The following GALNT10 variants were observed in gnomAD, a reference collection of about 807,000 sequenced individuals.
GALNT10 encodes polypeptide N-acetylgalactosaminyltransferase 10, also known as GalNAc transferase 10.
GALNT10 carries 41 observed loss-of-function variants against 75.0 expected under a neutral mutation model. That is an observed-to-expected ratio of 0.55 (90% CI 0.43 to 0.71). GALNT10 has a LOEUF of 0.71. Among genes scored for constraint, GALNT10 ranks in the 30% least tolerant of loss-of-function variants. The pLI is 0.00. For missense variants in GALNT10, 727 were observed against 818.5 expected, an observed-to-expected ratio of 0.89 and a Z score of 1.36; for synonymous variants, 302 against 313.0, an observed-to-expected ratio of 0.96 and a Z score of 0.37.
chr5:154,290,720 G>A lies in GALNT10; in HGVS notation c.160-4096G>A, dbSNP rs1057337088. On this transcript the variant is annotated intron_variant, in intron 1 of 11. Coordinates refer to ENST00000297107, the MANE Select transcript of GALNT10 (RefSeq NM_198321.4). ...GGTACCTGTGACTCCTGTAGCTCATGCAAGGTCACACTCAAGGGTTCTTTC... is the reference window on the plus strand; with the variant it reads ...GGTACCTGTGACTCCTGTAGCTCATACAAGGTCACACTCAAGGGTTCTTTC... Among the ~76,000 whole-genome samples the A allele has an allele frequency of 2.6e-5, 4 of 152,162 alleles. 1 individual carries two copies. Among genetic ancestry groups the A allele is most frequent in the Admixed American group, 2.6e-4 (4 of 15,278 alleles).
chr5:154,360,199 C>A (rs547323076), intron 4 of GALNT10, among the ~76,000 whole-genome samples: 51 of 152,218 alleles, frequency 3.4e-4, no homozygotes, highest in Admixed American at 7.8e-4. Flanking sequence ...CCTGTAATCC[C>A]AGCACTTTGG....
rs1328527372 is a variant in GALNT10, at chr5:154,418,190, A to G, written c.*1218A>G. ...CCAAAGTTGGTGGTGTTGGGAAAGC[A>G]GGGGGACATGTGTCCCTCAGCTCAG... is the stretch of plus-strand genomic sequence containing the variant. On this transcript the variant is annotated 3_prime_UTR_variant, in exon 12 of 12. Transcript: ENST00000297107. 1 of 152,214 alleles carries G rather than the reference A, an allele frequency of 6.6e-6. No homozygotes were observed. The highest frequency in any genetic ancestry group is 2.4e-5 in the African/African-American group (1 of 41,450). 9.4% of individuals were successfully genotyped at this position (152,214 alleles called of 1,614,324 possible). A position where few individuals can be genotyped will look rare whatever the true frequency, so the allele number is the denominator to read the frequency against.
chr5:154,338,084 T>A (rs1581980684), intron 4 of GALNT10: 1 of 1,171,420 alleles, frequency 8.5e-7, no homozygotes, highest in East Asian at 2.3e-5. Context: ...TTCTTCAGCA[T>A]CTTCTTTAAT....
intron 4 of GALNT10, among the ~76,000 whole-genome samples, chr5:154,335,052 C>T (rs1222778526): frequency 6.6e-6 from 1 of 152,232 alleles, no homozygotes; most frequent in African/African-American, 2.4e-5. Flanking sequence ...TTCTTGTCTT[C>T]TCTCCAGCAG....
At chr5:154,308,344 A>T (rs916254564) in intron 3 of GALNT10, among the ~76,000 whole-genome samples, 1 of 152,122 alleles carries the variant, frequency 6.6e-6, no homozygotes, top group African/African-American at 2.4e-5. Flanking sequence ...GGGACCACCC[A>T]CTTGCCCCCA....
At position 154,291,811 on chromosome 5, in the gene GALNT10, C is replaced by G. The variant is rs989266661; in HGVS notation, c.160-3005C>G. On this transcript the variant is annotated intron_variant, in intron 1 of 11. Transcript: ENST00000297107. ...CCTGAATATCCCAGCATGTTTCAAGCTCACCAGGGCCAGGCAGGTAACAAA... is the reference window on the plus strand; with the variant it reads ...CCTGAATATCCCAGCATGTTTCAAGGTCACCAGGGCCAGGCAGGTAACAAA... Among the ~76,000 whole-genome samples the G allele has an allele frequency of 8.5e-5, 13 of 152,230 alleles. No individual in the cohort carries two copies. In the East Asian group the frequency reaches 2.3e-3, roughly 27 times the overall value.
intron 1 of GALNT10, among the ~76,000 whole-genome samples, chr5:154,207,417 G>T (rs923945525): frequency 2.6e-5 from 4 of 152,158 alleles, no homozygotes; most frequent in African/African-American, 9.7e-5. Context: ...AGGTCACACA[G>T]CTGGTCACTG....
At chr5:154,336,757 T>C (rs1561664864) in intron 4 of GALNT10, among the ~76,000 whole-genome samples, 1 of 152,174 alleles carries the variant, frequency 6.6e-6, no homozygotes, top group African/African-American at 2.4e-5. Context: ...TTCTGTATAA[T>C]CATACTAACA....
chr5:154,294,771 T>G (rs772523857), intron 1 of GALNT10, 45 bp from the exon 2 acceptor site: 2 of 1,012,382 alleles, frequency 2.0e-6, no homozygotes, highest in Admixed American at 3.5e-5. Flanking sequence ...CCTGTGTTAC[T>G]GATTTGCCCT....
rs189661672 is a variant in GALNT10 at position 154,407,423 on chromosome 5, G to A, written c.1165-2118G>A. Among the ~76,000 whole-genome samples the A allele has an allele frequency of 3.2e-4, 48 of 152,254 alleles. 1 individual carries two copies. The highest frequency in any genetic ancestry group is 2.2e-3 in the Admixed American group (33 of 15,292). On this transcript the variant is annotated intron_variant, in intron 8 of 11. Coordinates refer to ENST00000297107, the MANE Select transcript of GALNT10 (RefSeq NM_198321.4). ...AGAAAGAGCTTTTCAAGCTGTGTCT[G>A]GAAGATACAATTATGCAATATTAAT... is the stretch of plus-strand genomic sequence containing the variant.
At chr5:154,318,022 C>CT (rs1409020534) in intron 3 of GALNT10, among the ~76,000 whole-genome samples, 1 of 152,238 alleles carries the variant, frequency 6.6e-6, no homozygotes, top group Non-Finnish European at 1.5e-5. Context: ...TCAGCAAAGA[C>CT]TTTCTCTGAT....
intron 4 of GALNT10, chr5:154,356,092 T>C: frequency 2.2e-6 from 1 of 455,632 alleles, no homozygotes; most frequent in South Asian, 1.6e-5. Context: ...TTGAATTCAT[T>C]TCATCTTCAG....
intron 4 of GALNT10, among the ~76,000 whole-genome samples, chr5:154,356,568 T>C (rs1001523543): frequency 3.3e-5 from 5 of 152,342 alleles, no homozygotes; most frequent in African/African-American, 1.2e-4. Flanking sequence ...CTTTTTTCCT[T>C]TTTTCAATAG....
Position 154,409,630 on chromosome 5 carries a change from G to A in GALNT10, c.1254G>A (p.Gly418=), listed in dbSNP as rs768930765. The part of the protein sequence containing the change: ...RRPEYRHLSA[G]DVAVQKKLRS... The stretch of plus-strand genomic sequence containing the variant: ...CTGAATACCGCCACCTCTCCGCTGG[G>A]GATGTCGCAGTCCAGAAAAAGCTCC... The change falls in exon 9 of 12, where the codon GGG becomes GGA. Residue 418 remains glycine (G), a synonymous_variant. Transcript: ENST00000297107. This position sits in a 1 kb window ranked among gnomAD's most constrained non-coding sequence, Gnocchi z 4.5. 6.2e-6 allele frequency: 10 copies of A among 1,613,284 alleles called. No homozygotes were observed. The highest frequency in any genetic ancestry group is 1.7e-5 in the Admixed American group (1 of 59,996).
chr5:154,284,899 AC>A (rs1754089915), intron 1 of GALNT10, among the ~76,000 whole-genome samples: 1 of 152,222 alleles, frequency 6.6e-6, no homozygotes, highest in Admixed American at 6.5e-5. Flanking sequence ...TTTGTCATCT[AC>A]AAAGTGGATA....
Position 154,190,932 on chromosome 5 carries a change from G to T in GALNT10, c.66G>T (p.Leu22=), listed in dbSNP as rs1774848945. 1.3e-6 allele frequency: 2 copies of T among 1,505,848 alleles called. No homozygotes were observed. Among genetic ancestry groups the T allele is most frequent in the Non-Finnish European group, 1.8e-6 (2 of 1,129,416 alleles). The allele number at this position is 1,505,848 out of a possible 1,614,324, so 93.3% of individuals were successfully genotyped here. A position where few individuals can be genotyped will look rare whatever the true frequency, so the allele number is the denominator to read the frequency against. Residue 22 remains leucine (L), a synonymous_variant, in exon 1 of 12, where the codon CTG becomes CTT. Coordinates refer to ENST00000297107, the MANE Select transcript of GALNT10 (RefSeq NM_198321.4). ...TGGTGCTGGCGGCCCTGGTCCTCCT[G>T]CCCAACGTGGGGCTTTGGGCGCTGT... is the stretch of plus-strand genomic sequence containing the variant. ...VALVLAALVL[L]PNVGLWALYR... is the part of the protein sequence containing the mutation.
At chr5:154,258,995 T>C (rs977279720) in intron 1 of GALNT10, among the ~76,000 whole-genome samples, 1 of 152,242 alleles carries the variant, frequency 6.6e-6, no homozygotes. Flanking sequence ...CAGCTTCCCC[T>C]AATGTTAACA....
intron 1 of GALNT10, among the ~76,000 whole-genome samples, chr5:154,277,270 T>C (rs1753966616): frequency 6.6e-6 from 1 of 151,696 alleles, no homozygotes; most frequent in Non-Finnish European, 1.5e-5. Flanking sequence ...TATCTTCTGC[T>C]TGCCTCTAAC....
rs370323188 is a variant in GALNT10 at position 154,203,939 on chromosome 5, G to A, written c.159+12914G>A. Among the ~76,000 whole-genome samples, 157 of 152,366 alleles carry A rather than the reference G, an allele frequency of 1.0e-3. 1 individual carries two copies. Among genetic ancestry groups the A allele is most frequent in the Admixed American group, 3.6e-3 (55 of 15,308 alleles). On this transcript the variant is annotated intron_variant, in intron 1 of 11. Coordinates refer to ENST00000297107, the MANE Select transcript of GALNT10 (RefSeq NM_198321.4). ...CAACTACTCAATCTGTCTTTGTAGTGTGAGGGTAGCCATAGACACTACTTA... is the reference window on the plus strand; with the variant it reads ...CAACTACTCAATCTGTCTTTGTAGTATGAGGGTAGCCATAGACACTACTTA...
Sources: allele counts gnomAD v4.1 joint callset (sites outside exome capture counted in the v4.1 genomes callset), GRCh38; gene constraint gnomAD v4.1.1; non-coding constraint Gnocchi (gnomAD v3.1); transcripts MANE v1.5; gene names NCBI Gene and HGNC (gene_info 2026-07-23, HGNC 2026-07-21).